The following CHN2 variants were observed in gnomAD, a reference collection of about 807,000 sequenced individuals.
The protein encoded by CHN2 is beta-chimaerin.
A neutral mutation model predicts 56.3 loss-of-function variants in CHN2; 35 were observed. That is an observed-to-expected ratio of 0.62 (90% CI 0.47 to 0.82). The LOEUF (loss-of-function observed/expected upper bound fraction) is 0.82, where lower values mean the gene tolerates loss of function less well. CHN2 is among the 40% of genes least tolerant of loss of function. The pLI is 0.00. For missense variants in CHN2, 491 were observed against 580.5 expected (o/e 0.85, Z 1.58); for synonymous variants, 210 against 212.8 (o/e 0.99, Z 0.12).
chr7:29,446,681 G>T (rs1784055594), intron 6 of CHN2, among the ~76,000 whole-genome samples: 1 of 152,178 alleles, frequency 6.6e-6, no homozygotes, highest in South Asian at 2.1e-4. Context: ...ACTGTTAGGG[G>T]TCTCCCTGGA....
chr7:29,312,845 A>C (rs1252327600), intron 1 of CHN2, among the ~76,000 whole-genome samples: 2 of 152,096 alleles, frequency 1.3e-5, no homozygotes, highest in African/African-American at 4.8e-5. Context: ...ATACTTGCAA[A>C]ATACCAGCTT....
At chr7:29,162,216 C>T (rs541357347) in intron 2 of CHN2, among the ~76,000 whole-genome samples, 8 of 152,270 alleles carry the variant, frequency 5.3e-5, no homozygotes, top group South Asian at 4.1e-4. Context: ...AAAAACTGTT[C>T]ACAAATGTAT....
chr7:29,159,927 TCCC>T (rs1339708850), intron 2 of CHN2, among the ~76,000 whole-genome samples: 3 of 152,218 alleles, frequency 2.0e-5, no homozygotes, highest in Admixed American at 2.0e-4. Context: ...TAATTAATTG[TCCC>T]CAAATGGCAT....
intron 1 of CHN2, among the ~76,000 whole-genome samples, chr7:29,204,373 A>G (rs2128771934): frequency 6.6e-6 from 1 of 152,272 alleles, no homozygotes; most frequent in African/African-American, 2.4e-5. Context: ...TATGCTAATG[A>G]TATGTAGATA....
At chr7:29,198,509 A>T (rs970419121) in intron 1 of CHN2, among the ~76,000 whole-genome samples, 10 of 152,336 alleles carry the variant, frequency 6.6e-5, no homozygotes, top group African/African-American at 2.2e-4. Flanking sequence ...ATATTCAATT[A>T]TGTGTAAAAG....
intron 1 of CHN2, among the ~76,000 whole-genome samples, chr7:29,219,299 G>T (rs1024215501): frequency 6.6e-6 from 1 of 152,156 alleles, no homozygotes; most frequent in East Asian, 1.9e-4. Flanking sequence ...TAAGTCAAAG[G>T]TGTATTTTAC....
chr7:29,458,089 C>G (rs1784896412), intron 6 of CHN2, among the ~76,000 whole-genome samples: 1 of 152,108 alleles, frequency 6.6e-6, no homozygotes. Context: ...ACTCCATGCC[C>G]CTGTTATTGT....
chr7:29,297,664 A>G (rs1793292696), intron 1 of CHN2, among the ~76,000 whole-genome samples: 1 of 152,004 alleles, frequency 6.6e-6, no homozygotes, highest in African/African-American at 2.4e-5. Flanking sequence ...CGGCTGGTAC[A>G]AAAACGTTAC....
rs562270520 is a variant in CHN2 at position 29,206,571 on chromosome 7, C to T, written c.49+11581C>T. On this transcript the variant is annotated intron_variant, in intron 1 of 12. Coordinates refer to ENST00000222792, the MANE Select transcript of CHN2 (RefSeq NM_004067.4). Reference sequence around the variant, plus strand: ...CTGGGATTACAAGTGTGAGCCACCGCGCCTGGCCTAGAAATTTTTTTTTTA... The same window carrying T: ...CTGGGATTACAAGTGTGAGCCACCGTGCCTGGCCTAGAAATTTTTTTTTTA... Among the ~76,000 whole-genome samples, 12 of 152,268 alleles carry T rather than the reference C, an allele frequency of 7.9e-5. 1 individual carries two copies. The highest frequency in any genetic ancestry group is 6.8e-3 in the Middle Eastern group (2 of 294).
intron 6 of CHN2, among the ~76,000 whole-genome samples, chr7:29,403,027 G>A (rs1420544308): frequency 3.9e-5 from 6 of 152,106 alleles, no homozygotes; most frequent in Admixed American, 3.9e-4. Context: ...GCAGTTTGAT[G>A]GACGGGTGTC....
At chr7:29,396,712 C>G (rs1358106122) in intron 4 of CHN2, 1 of 147,968 alleles carries the variant, frequency 6.8e-6, no homozygotes, top group Non-Finnish European at 1.5e-5. Flanking sequence ...TCCCTCCCCC[C>G]ACACCCACCC....
intron 2 of CHN2, among the ~76,000 whole-genome samples, chr7:29,180,475 C>T (rs982148825): frequency 2.0e-5 from 3 of 151,528 alleles, no homozygotes; most frequent in African/African-American, 7.3e-5. Flanking sequence ...TGCAGTGAGC[C>T]GAGATCGCGC....
chr7:29,495,829 G>GC, intron 7 of CHN2, 123 bp from the exon 8 acceptor site: 2 of 726,318 alleles, frequency 2.8e-6, no homozygotes, highest in South Asian at 3.3e-5. Context: ...GTTTGCAACT[G>GC]CTTTACTGGA....
At chr7:29,379,744 C>T (rs994471880) in intron 3 of CHN2, among the ~76,000 whole-genome samples, 2 of 152,110 alleles carry the variant, frequency 1.3e-5, no homozygotes, top group African/African-American at 2.4e-5. Flanking sequence ...CTCTTGGGTG[C>T]ACAGCCCTGA....
At chr7:29,210,273 T>C (rs921398790) in intron 1 of CHN2, among the ~76,000 whole-genome samples, 1 of 152,152 alleles carries the variant, frequency 6.6e-6, no homozygotes, top group African/African-American at 2.4e-5. Flanking sequence ...ACATGAGGAC[T>C]GTTGGGTGTC....
chr7:29,252,578 GTTTTTTTTTTTTTTTTTTTT>G (rs545289689), intron 1 of CHN2, among the ~76,000 whole-genome samples: 2 of 19,488 alleles, frequency 1.0e-4, no homozygotes, highest in South Asian at 2.2e-3. Flanking sequence ...TGCATTCTTT[GTTTTTTTTTTTTTTTTTTTT>G]TTTTTTTTGA....
At chr7:29,258,399 C>A (rs566425103) in intron 1 of CHN2, among the ~76,000 whole-genome samples, 29 of 152,288 alleles carry the variant, frequency 1.9e-4, no homozygotes, top group African/African-American at 6.7e-4. Context: ...TTGTTTGGTC[C>A]AGTCAATTTG....
At chr7:29,197,865 G>T (rs1230424030) in intron 1 of CHN2, 1 of 455,062 alleles carries the variant, frequency 2.2e-6, no homozygotes, top group Non-Finnish European at 4.4e-6. Context: ...AATTAGAGGG[G>T]TCAGTGGAAA....
intron 2 of CHN2, among the ~76,000 whole-genome samples, chr7:29,166,523 A>C (rs938046822): frequency 6.6e-6 from 1 of 152,092 alleles, no homozygotes; most frequent in African/African-American, 2.4e-5. Context: ...TTATAGTTAG[A>C]AGCCTTTAAT....
Sources: gnomAD v4.1 joint callset for allele counts (sites outside exome capture counted in the v4.1 genomes callset) on GRCh38, gnomAD v4.1.1 for gene constraint, MANE v1.5 for transcripts, NCBI Gene and HGNC (gene_info 2026-07-23, HGNC 2026-07-21) for gene names.